Variants in RGPD1 observed in about 807,000 individuals in gnomAD.
RGPD1 encodes RANBP2-like and GRIP domain-containing protein 1.
RGPD1 carries 7 observed loss-of-function variants against 40.6 expected under a neutral mutation model. The ratio of observed to expected loss-of-function variants is 0.17; its 90% CI spans 0.10 to 0.32. The LOEUF (loss-of-function observed/expected upper bound fraction) is 0.32, where lower values mean the gene tolerates loss of function less well. RGPD1 is among the 10% of genes least tolerant of loss of function. The pLI, the probability that RGPD1 is intolerant of heterozygous loss-of-function variation, is 1.00. For missense variants in RGPD1, 50 were observed against 472.5 expected (o/e 0.11, Z 8.29); for synonymous variants, 24 against 167.0 (o/e 0.14, Z 6.60).
intron 1 of RGPD1, among the ~76,000 whole-genome samples, chr2:86,918,354 C>T (rs1433884875): frequency 6.7e-6 from 1 of 148,946 alleles, no homozygotes; most frequent in East Asian, 2.0e-4. Context: ...ACAACTTTGC[C>T]TGGGTCACTC....
chr2:86,937,171 C>T (rs1471510844), upstream of RGPD1, among the ~76,000 whole-genome samples: 1 of 103,070 alleles, frequency 9.7e-6, no homozygotes, highest in East Asian at 2.8e-4. Flanking sequence ...ATTTTTTGTG[C>T]CATCAGTGAA....
chr2:86,920,050 A>G (rs1314568471), intron 1 of RGPD1, among the ~76,000 whole-genome samples: 1 of 152,062 alleles, frequency 6.6e-6, no homozygotes, highest in Non-Finnish European at 1.5e-5. Context: ...TCTTATGGGA[A>G]AATAGGGACA....
At chr2:86,919,746 G>GTT (rs527963521) in intron 1 of RGPD1, among the ~76,000 whole-genome samples, 108 of 127,054 alleles carry the variant, frequency 8.5e-4, no homozygotes, top group Non-Finnish European at 1.2e-3. Flanking sequence ...CCATTTACCT[G>GTT]TTTTTCTTTC....
chr2:86,926,800 C>G (rs953993256), intron 1 of RGPD1, among the ~76,000 whole-genome samples: 25 of 152,116 alleles, frequency 1.6e-4, no homozygotes, highest in African/African-American at 6.0e-4. Context: ...ACAAATACAA[C>G]CTAGATAAGA....
At chr2:86,944,400 T>G (rs925816944) in intron 1 of RGPD1, among the ~76,000 whole-genome samples, 2 of 152,012 alleles carry the variant, frequency 1.3e-5, no homozygotes, top group African/African-American at 4.8e-5. Flanking sequence ...AAGACTTTAA[T>G]TTTTGTGTTA....
chr2:86,914,283 G>GGGCGGCGGC lies in RGPD1; in HGVS notation c.72+390_72+398dup, dbSNP rs533309212. ...CTCGGCCTCGGCCTTGGCCTCGGCC[G>GGGCGGCGGC]GGCGGCGGCGGCGGCGGCGGCGGCG... On this transcript the variant is annotated intron_variant, in intron 1 of 22. Transcript: ENST00000398193. Among the ~76,000 whole-genome samples, 5 of 10,230 alleles carry GGGCGGCGGC rather than the reference G, an allele frequency of 4.9e-4. 1 individual carries two copies. Among genetic ancestry groups the GGGCGGCGGC allele is most frequent in the Non-Finnish European group, 1.7e-4 (1 of 5,990 alleles). 6.7% of individuals were successfully genotyped at this position (10,230 alleles called of 152,430 possible).
intron 1 of RGPD1, among the ~76,000 whole-genome samples, chr2:86,937,060 C>CTGT (rs1369739878): frequency 1.6e-5 from 2 of 129,018 alleles, no homozygotes; most frequent in Non-Finnish European, 3.2e-5. Context: ...GTATTCACTG[C>CTGT]TGTATGGCTT....
rs1196456916 is a variant in RGPD1, at chr2:86,923,033, CTT to C, written c.72+9133_72+9134del. On this transcript the variant is annotated intron_variant, in intron 1 of 22. Coordinates refer to the RGPD1 transcript ENST00000398193. ...TCGTATCAGGTTCCATGGTATATTC[CTT>C]TTTTTTTTTTTTTTTTTTTTGAGAC... is the stretch of plus-strand genomic sequence containing the variant. 4.3e-3 allele frequency among the ~76,000 whole-genome samples: 234 copies of C among 54,466 alleles called. 1 individual carries two copies. Among genetic ancestry groups the C allele is most frequent in the African/African-American group, 0.017 (200 of 12,100 alleles). The allele number at this position is 54,466 out of a possible 152,430, so 35.7% of individuals were successfully genotyped here.
chr2:86,930,149 G>A lies in RGPD1; in HGVS notation c.72+16228G>A, dbSNP rs574373322. 88 of 1,467,556 alleles carry A rather than the reference G, an allele frequency of 6.0e-5. 7 individuals carry two copies. The Admixed American group carries it at 8.4e-4, about 14-fold the overall frequency. 90.9% of individuals were successfully genotyped at this position (1,467,556 alleles called of 1,614,324 possible). Reference sequence around the variant, plus strand: ...CGATAGCGGCAGGAGGGGGGTGTGGGGGCAGGGGTCACCCCTGCCCCAGAC... The same window carrying A: ...CGATAGCGGCAGGAGGGGGGTGTGGAGGCAGGGGTCACCCCTGCCCCAGAC... On this transcript the variant is annotated intron_variant, in intron 1 of 22. Coordinates refer to the RGPD1 transcript ENST00000398193.
At chr2:86,914,287 G>T (rs1351105756) in intron 1 of RGPD1, among the ~76,000 whole-genome samples, 1 of 8,532 alleles carries the variant, frequency 1.2e-4, no homozygotes, top group Non-Finnish European at 2.1e-4. Flanking sequence ...TCGGCCGGGC[G>T]GCGGCGGCGG....
chr2:86,927,690 C>A (rs1260388309), intron 1 of RGPD1, among the ~76,000 whole-genome samples: 1 of 89,406 alleles, frequency 1.1e-5, no homozygotes, highest in African/African-American at 8.2e-5. Flanking sequence ...AAACTTTGGC[C>A]AAGTAAATAC....
At chr2:86,936,944 G>A (rs1322777194) in intron 1 of RGPD1, among the ~76,000 whole-genome samples, 3 of 123,510 alleles carry the variant, frequency 2.4e-5, no homozygotes, top group Non-Finnish European at 5.0e-5. Context: ...AGGGACATAG[G>A]GTCAACACTT....
At chr2:86,947,563 T>C (rs967542450) in intron 1 of RGPD1, among the ~76,000 whole-genome samples, 1 of 111,430 alleles carries the variant, frequency 9.0e-6, no homozygotes, top group African/African-American at 3.3e-5. Flanking sequence ...GGGAAACTCA[T>C]TTCTTTCAGT....
intron 1 of RGPD1, among the ~76,000 whole-genome samples, chr2:86,915,183 C>G (rs1038817270): frequency 1.3e-5 from 2 of 150,238 alleles, no homozygotes; most frequent in Non-Finnish European, 3.0e-5. Context: ...GTAATCTCAG[C>G]TACTTGGGAG....
At chr2:86,930,871 C>T in intron 1 of RGPD1, 1 of 617,346 alleles carries the variant, frequency 1.6e-6, no homozygotes, top group Non-Finnish European at 2.7e-6. Flanking sequence ...CTGAGGCCAC[C>T]ATCACTCCGC....
chr2:86,956,093 T>C (rs1254147941), intron 4 of RGPD1, among the ~76,000 whole-genome samples: 3 of 143,530 alleles, frequency 2.1e-5, no homozygotes, highest in Non-Finnish European at 3.0e-5. Context: ...TCTCCTAAAA[T>C]TTAAGGCTTG....
At chr2:86,956,057 T>C (rs899359435) in intron 4 of RGPD1, among the ~76,000 whole-genome samples, 1 of 148,948 alleles carries the variant, frequency 6.7e-6, no homozygotes, top group Non-Finnish European at 1.5e-5. Flanking sequence ...ATGAGATTTA[T>C]AATTGTCATG....
intron 1 of RGPD1, among the ~76,000 whole-genome samples, chr2:86,929,979 C>A (rs930350896): frequency 7.0e-6 from 1 of 143,176 alleles, no homozygotes; most frequent in Non-Finnish European, 1.6e-5. Context: ...GAAAGACCTG[C>A]GGTACAGAAT....
At chr2:86,939,602 G>GA (rs1239805408), upstream of RGPD1, among the ~76,000 whole-genome samples, 32 of 136,474 alleles carry the variant, frequency 2.3e-4, 1 homozygote, top group African/African-American at 8.8e-4. Flanking sequence ...AAGAAAGAAA[G>GA]AAAGAAAAGA....
Sources: allele counts gnomAD v4.1 joint callset (sites outside exome capture counted in the v4.1 genomes callset), GRCh38; gene constraint gnomAD v4.1.1; transcripts MANE v1.5; gene names NCBI Gene and HGNC (gene_info 2026-07-23, HGNC 2026-07-21).